Variants in ANKRD31 observed in about 807,000 individuals in gnomAD.
ANKRD31 encodes the protein ankyrin repeat domain 31.
In ANKRD31, 147 loss-of-function variants were observed where a neutral mutation model predicts 186.0. The observed-to-expected ratio is 0.79, with a 90% CI of 0.69 to 0.91. ANKRD31 has a LOEUF of 0.91. Among genes scored for constraint, ANKRD31 ranks in the 40% least tolerant of loss-of-function variants. The pLI is 0.00. For missense variants in ANKRD31, 1,986 were observed against 2,148.8 expected (o/e 0.92, Z 1.50); for synonymous variants, 673 against 736.4 (o/e 0.91, Z 1.39).
At chr5:75,154,453 T>A (rs7704104) in intron 11 of ANKRD31, 108 bp from the exon 12 acceptor site, 396,023 of 979,810 alleles carry the variant, frequency 0.4, 88,015 homozygotes, top group African/African-American at 0.83. Context: ...TTGAAAATAC[T>A]GTTTGGATTT....
intron 5 of ANKRD31, among the ~76,000 whole-genome samples, chr5:75,204,945 C>G (rs377019594): frequency 6.6e-6 from 1 of 152,230 alleles, no homozygotes; most frequent in Admixed American, 6.5e-5. Flanking sequence ...GGAAACATGG[C>G]TCATGCAGCC....
intron 9 of ANKRD31, among the ~76,000 whole-genome samples, chr5:75,190,755 C>T (rs1008629509): frequency 6.6e-6 from 1 of 151,664 alleles, no homozygotes; most frequent in East Asian, 1.9e-4. Flanking sequence ...AAAAGGGATA[C>T]TTATTTAATG....
chr5:75,181,262 T>C (rs184210779), intron 10 of ANKRD31, among the ~76,000 whole-genome samples: 1,671 of 152,062 alleles, frequency 0.011, 35 homozygotes, highest in Admixed American at 0.061. Context: ...TGTGGAGAAA[T>C]AGGAACACTT....
chr5:75,230,719 C>A, intron 1 of ANKRD31, 84 bp from the exon 2 acceptor site: 1 of 993,034 alleles, frequency 1.0e-6, no homozygotes, highest in South Asian at 1.5e-5. Flanking sequence ...TTTATTATAC[C>A]AAAACTTGCT....
intron 12 of ANKRD31, among the ~76,000 whole-genome samples, chr5:75,150,295 G>A (rs1281937525): frequency 1.3e-5 from 2 of 151,786 alleles, no homozygotes; most frequent in African/African-American, 4.8e-5. Flanking sequence ...AGCTAGAAAA[G>A]CAGCAAATAT....
intron 22 of ANKRD31, among the ~76,000 whole-genome samples, chr5:75,098,144 C>G (rs1351803902): frequency 1.3e-5 from 2 of 152,120 alleles, no homozygotes; most frequent in African/African-American, 2.4e-5. Flanking sequence ...AGGCGCCCAC[C>G]ACCATGCCCG....
intron 22 of ANKRD31, 136 bp downstream of exon 22, chr5:75,104,092 T>G: frequency 1.5e-6 from 1 of 647,278 alleles, no homozygotes; most frequent in Non-Finnish European, 2.5e-6. Flanking sequence ...AATACAATGG[T>G]TGTGTCCCTC....
chr5:75,199,562 A>T, intron 6 of ANKRD31, 69 bp downstream of exon 6: 1 of 1,280,658 alleles, frequency 7.8e-7, no homozygotes, highest in Non-Finnish European at 1.1e-6. Context: ...TTGATACTTT[A>T]ATCGACATAA....
chr5:75,155,262 G>GTATGTATGTATGTATATATACATAA (rs1554082003), intron 11 of ANKRD31, among the ~76,000 whole-genome samples: 5 of 147,180 alleles, frequency 3.4e-5, no homozygotes, highest in African/African-American at 8.1e-5. Flanking sequence ...AGTCCAATAG[G>GTATGTATGTATGTATATATACATAA]TATGTATGTA....
chr5:75,209,226 A>G (rs1756448693), intron 4 of ANKRD31, among the ~76,000 whole-genome samples: 1 of 152,164 alleles, frequency 6.6e-6, no homozygotes, highest in African/African-American at 2.4e-5. Context: ...TTGGTCTTTT[A>G]GAAAATACTT....
intron 17 of ANKRD31, among the ~76,000 whole-genome samples, chr5:75,124,235 C>T (rs921275250): frequency 1.3e-5 from 2 of 152,088 alleles, no homozygotes; most frequent in African/African-American, 4.8e-5. Flanking sequence ...CAATGAAATA[C>T]CATCTTATGC....
At chr5:75,221,715 C>A (rs1757314959) in intron 3 of ANKRD31, among the ~76,000 whole-genome samples, 1 of 152,160 alleles carries the variant, frequency 6.6e-6, no homozygotes, top group South Asian at 2.1e-4. Context: ...AACCCCTCCT[C>A]TTTCTCTCTT....
intron 21 of ANKRD31, among the ~76,000 whole-genome samples, chr5:75,107,065 T>TA (rs1243516168): frequency 7.2e-5 from 11 of 151,756 alleles, no homozygotes; most frequent in Non-Finnish European, 1.6e-4. Flanking sequence ...AAGAGGTATA[T>TA]AACCAATATA....
At chr5:75,120,150 C>T (rs918008700) in intron 17 of ANKRD31, among the ~76,000 whole-genome samples, 7 of 152,096 alleles carry the variant, frequency 4.6e-5, no homozygotes, top group African/African-American at 1.4e-4. Flanking sequence ...AATCCCAGCA[C>T]TTCGGGAGGC....
Position 75,091,395 on chromosome 5 carries a change from T to C in ANKRD31, c.5338A>G (p.Thr1780Ala). The change falls in exon 23 of 26, where the codon ACC becomes GCC. Residue 1780 changes from threonine (T) to alanine (A), a missense_variant. Thr to Ala is a moderately conservative substitution (Grantham distance 58). Transcript: ENST00000506364. The part of the protein sequence containing the change: ...NILEFKTQET[T>A]HKASILLNGK... Reference sequence around the variant, plus strand: ...TTCAATAAAATACTGGCTTTGTGGGTAGTCTCCTGAAGTGAAAAATAAAAC... The same window carrying C: ...TTCAATAAAATACTGGCTTTGTGGGCAGTCTCCTGAAGTGAAAAATAAAAC... 1 of 1,535,430 alleles carries C rather than the reference T, an allele frequency of 6.5e-7. No individual in the cohort carries two copies. Among genetic ancestry groups the C allele is most frequent in the East Asian group, 2.4e-5 (1 of 40,886 alleles).
intron 19 of ANKRD31, among the ~76,000 whole-genome samples, chr5:75,116,333 G>A (rs953830308): frequency 9.3e-5 from 14 of 151,328 alleles, no homozygotes; most frequent in African/African-American, 2.7e-4. Flanking sequence ...TGGGTGCAGC[G>A]CACCAGCATA....
At position 75,205,661 on chromosome 5, in the gene ANKRD31, T is replaced by C. The variant is rs1027483479; in HGVS notation, c.403+750A>G. On this transcript the variant is annotated intron_variant, in intron 5 of 25. Coordinates refer to ENST00000506364, the MANE Select transcript of ANKRD31 (RefSeq NM_001372053.1). ...GGGCAAAAGTGGTACTGCTTTGTTG[T>C]AGCAACAGAGCAAGAGAAGACAGAG... is the stretch of plus-strand genomic sequence containing the variant. Among the ~76,000 whole-genome samples the C allele has an allele frequency of 7.9e-5, 12 of 152,330 alleles. No homozygotes were observed. The Middle Eastern group carries it at 0.01, about 130-fold the overall frequency.
intron 23 of ANKRD31, among the ~76,000 whole-genome samples, chr5:75,084,852 A>G (rs928675923): frequency 1.3e-5 from 2 of 152,226 alleles, no homozygotes; most frequent in Non-Finnish European, 2.9e-5. Context: ...GATTAAATTA[A>G]TAACATTTCA....
chr5:75,084,758 T>C (rs1276193965), intron 23 of ANKRD31, among the ~76,000 whole-genome samples: 1 of 152,234 alleles, frequency 6.6e-6, no homozygotes, highest in Non-Finnish European at 1.5e-5. Flanking sequence ...ATCTGCTACT[T>C]TATAACTTTA....
Sources: gnomAD v4.1 joint callset for allele counts (sites outside exome capture counted in the v4.1 genomes callset) on GRCh38, gnomAD v4.1.1 for gene constraint, MANE v1.5 for transcripts, NCBI Gene and HGNC (gene_info 2026-07-23, HGNC 2026-07-21) for gene names.